The following ADGRL3 variants were observed in gnomAD, a reference collection of about 807,000 sequenced individuals.
ADGRL3 encodes the protein adhesion G protein-coupled receptor L3, also known as calcium-independent alpha-latrotoxin receptor 3.
A neutral mutation model predicts 153.5 loss-of-function variants in ADGRL3; 62 were observed. The ratio of observed to expected loss-of-function variants is 0.40; its 90% CI spans 0.33 to 0.50. The LOEUF (loss-of-function observed/expected upper bound fraction) is 0.50. Ranked by LOEUF, ADGRL3 falls within the 20% of genes least tolerant of loss-of-function variation. The probability of loss-of-function intolerance (pLI) is 0.47; values close to 1 mark genes in which losing one functional copy is unlikely to be tolerated. For synonymous variants in ADGRL3, 710 were observed against 672.5 expected (o/e 1.06, Z -0.86); for missense variants, 1,641 against 1,859.4 (o/e 0.88, Z 2.16).
chr4:61,906,086 A>C (rs2149773036), intron 11 of ADGRL3, among the ~76,000 whole-genome samples: 1 of 151,668 alleles, frequency 6.6e-6, no homozygotes, highest in East Asian at 1.9e-4. Flanking sequence ...CACATATATA[A>C]ATAAACAAAA....
At chr4:61,738,612 T>C (rs974253713) in intron 8 of ADGRL3, among the ~76,000 whole-genome samples, 5 of 152,168 alleles carry the variant, frequency 3.3e-5, no homozygotes, top group African/African-American at 1.2e-4. Context: ...CAAAGTATTC[T>C]AAAAGTGGTT....
rs1190923946 is a variant in ADGRL3 at position 61,616,117 on chromosome 4, A to G, written c.473+28677A>G. Among the ~76,000 whole-genome samples, 7 of 152,298 alleles carry G rather than the reference A, an allele frequency of 4.6e-5. No individual in the cohort carries two copies. In the East Asian group the frequency reaches 1.4e-3, roughly 29 times the overall value. ...AAGATATTTATTTTTAAAGGCTGGC[A>G]ATGTAAGTAATTGGAAAAGAAAATA... On this transcript the variant is annotated intron_variant, in intron 5 of 26. Coordinates refer to ENST00000683033, the MANE Select transcript of ADGRL3 (RefSeq NM_001387552.1).
chr4:61,862,451 A>G (rs557387490), intron 9 of ADGRL3, among the ~76,000 whole-genome samples: 1 of 152,154 alleles, frequency 6.6e-6, no homozygotes, highest in Non-Finnish European at 1.5e-5. Flanking sequence ...GGCATTGTCA[A>G]CTGTAGTTCA....
chr4:61,546,158 C>G (rs1050108537), intron 4 of ADGRL3, among the ~76,000 whole-genome samples: 1 of 152,166 alleles, frequency 6.6e-6, no homozygotes, highest in East Asian at 1.9e-4. Flanking sequence ...TTTTAAGACA[C>G]AAATTGAGTC....
chr4:61,468,991 G>T (rs150502962), intron 2 of ADGRL3, among the ~76,000 whole-genome samples: 1 of 152,020 alleles, frequency 6.6e-6, no homozygotes, highest in Admixed American at 6.6e-5. Flanking sequence ...CGGACTCAGA[G>T]CTCTAGACTG....
At chr4:61,370,947 G>C (rs1385441892) in intron 1 of ADGRL3, among the ~76,000 whole-genome samples, 6 of 150,424 alleles carry the variant, frequency 4.0e-5, no homozygotes, top group Non-Finnish European at 7.5e-5. Context: ...AGGATAGTTA[G>C]CTCTTCTTGT....
intron 1 of ADGRL3, among the ~76,000 whole-genome samples, chr4:61,214,232 T>C (rs1285036451): frequency 2.0e-5 from 3 of 152,194 alleles, no homozygotes; most frequent in Non-Finnish European, 2.9e-5. Context: ...GCCTCATGTC[T>C]TTGAATTTAA....
chr4:61,429,135 G>A (rs2097324718), intron 2 of ADGRL3, among the ~76,000 whole-genome samples: 1 of 151,990 alleles, frequency 6.6e-6, no homozygotes, highest in African/African-American at 2.4e-5. Context: ...TTACAGTTTT[G>A]TTAGCACAGC....
chr4:61,247,047 T>G (rs1357715469), intron 1 of ADGRL3, among the ~76,000 whole-genome samples: 1 of 151,990 alleles, frequency 6.6e-6, no homozygotes, highest in Non-Finnish European at 1.5e-5. Flanking sequence ...GAGATTGAGA[T>G]TTTTTTAAAG....
chr4:61,970,474 C>CT (rs996644695), intron 17 of ADGRL3, among the ~76,000 whole-genome samples: 9 of 151,704 alleles, frequency 5.9e-5, no homozygotes, highest in African/African-American at 1.2e-4. Flanking sequence ...TTTAGTTTGG[C>CT]TTTTTTTTCT....
At chr4:61,865,535 T>A (rs2098392077) in intron 9 of ADGRL3, among the ~76,000 whole-genome samples, 1 of 152,188 alleles carries the variant, frequency 6.6e-6, no homozygotes, top group African/African-American at 2.4e-5. Flanking sequence ...TAGCTCCTCC[T>A]TTGCACCACA....
Position 62,031,455 on chromosome 4 carries a change from G to C in ADGRL3, c.3436G>C (p.Gly1146Arg). 1 of 1,608,960 alleles carries C rather than the reference G, an allele frequency of 6.2e-7. No individual in the cohort carries two copies. Among genetic ancestry groups the C allele is most frequent in the Non-Finnish European group, 8.5e-7 (1 of 1,176,754 alleles). The change falls in exon 23 of 27, where the codon GGT (glycine) becomes CGT (arginine). Residue 1146 changes from glycine to arginine, a missense_variant. Around this residue, in one of 5 missense-constraint regions of ADGRL3, gnomAD observed 517 missense variants for 555.0 expected, o/e 0.93. Transcript: ENST00000683033. The part of the protein sequence containing the change: ...NRPFIKSWVI[G>R]AIALLCLLGL... The stretch of plus-strand genomic sequence containing the variant: ...TTCTCTCTACAGGTCATGGGTTATA[G>C]GTGCAATAGCTCTTCTCTGCCTATT...
At chr4:61,553,383 A>AAATAGAT (rs2098749240) in intron 4 of ADGRL3, among the ~76,000 whole-genome samples, 1 of 152,208 alleles carries the variant, frequency 6.6e-6, no homozygotes, top group Non-Finnish European at 1.5e-5. Flanking sequence ...CAAAATGGAA[A>AAATAGAT]AATAGATTTT....
rs539504647 is a variant in ADGRL3, at chr4:62,054,190, G to A, written c.3814+9641G>A. Among the ~76,000 whole-genome samples, 11 of 151,718 alleles carry A rather than the reference G, an allele frequency of 7.3e-5. No individual in the cohort carries two copies. The South Asian group carries it at 2.3e-3, about 31-fold the overall frequency. ...CTGTGGTTAAGGAAAATTGCCCCAGGATTTTCAGACTCAGTATTCTTTGAG... is the reference window on the plus strand; with the variant it reads ...CTGTGGTTAAGGAAAATTGCCCCAGAATTTTCAGACTCAGTATTCTTTGAG... On this transcript the variant is annotated intron_variant, in intron 25 of 26. Transcript: ENST00000683033.
intron 2 of ADGRL3, among the ~76,000 whole-genome samples, chr4:61,457,790 T>A (rs2152560698): frequency 6.6e-6 from 1 of 151,880 alleles, no homozygotes; most frequent in African/African-American, 2.4e-5. Context: ...TTGGGTACAA[T>A]TGAATTTTTT....
chr4:61,723,416 G>GA (rs2096273347), intron 6 of ADGRL3, among the ~76,000 whole-genome samples: 2 of 152,036 alleles, frequency 1.3e-5, no homozygotes, highest in Admixed American at 1.3e-4. Context: ...CAAGAAAGAA[G>GA]AAAAAAGCTC....
At chr4:61,407,530 G>A (rs2097018235) in intron 2 of ADGRL3, among the ~76,000 whole-genome samples, 1 of 152,040 alleles carries the variant, frequency 6.6e-6, no homozygotes, top group African/African-American at 2.4e-5. Flanking sequence ...TGTCACAGAG[G>A]TGTCCACAAA....
intron 2 of ADGRL3, among the ~76,000 whole-genome samples, chr4:61,389,309 G>A (rs2096775952): frequency 6.6e-6 from 1 of 152,182 alleles, no homozygotes. Flanking sequence ...AGTAGTGAGA[G>A]AAAAGTTGAA....
intron 17 of ADGRL3, among the ~76,000 whole-genome samples, chr4:61,971,479 A>G (rs1281561746): frequency 6.6e-6 from 1 of 152,168 alleles, no homozygotes; most frequent in Non-Finnish European, 1.5e-5. Flanking sequence ...CCTACAAAGG[A>G]CATGAACTCA....
Sources: gnomAD v4.1 joint callset for allele counts (sites outside exome capture counted in the v4.1 genomes callset) on GRCh38, gnomAD v4.1.1 for gene constraint, gnomAD v4.1.1 regional missense constraint, MANE v1.5 for transcripts, NCBI Gene and HGNC (gene_info 2026-07-23, HGNC 2026-07-21) for gene names.